The following CSRNP3 variants were observed in gnomAD, a reference collection of about 807,000 sequenced individuals.
The protein encoded by CSRNP3 is cysteine/serine-rich nuclear protein 3.
A neutral mutation model predicts 48.0 loss-of-function variants in CSRNP3; 12 were observed. That is an observed-to-expected ratio of 0.25 (90% CI 0.16 to 0.41). The LOEUF is 0.41. Among genes scored for constraint, CSRNP3 ranks in the 10% least tolerant of loss-of-function variants. CSRNP3 has a pLI of 1.00. For synonymous variants in CSRNP3, 263 were observed against 269.7 expected (o/e 0.98, Z 0.24); for missense variants, 580 against 724.4 (o/e 0.80, Z 2.29).
intron 4 of CSRNP3, among the ~76,000 whole-genome samples, chr2:165,652,604 G>T (rs1356412378): frequency 2.0e-5 from 3 of 152,054 alleles, no homozygotes; most frequent in African/African-American, 7.2e-5. Flanking sequence ...GCGCAGTAGT[G>T]TAATCTCAGC....
intron 4 of CSRNP3, among the ~76,000 whole-genome samples, chr2:165,641,205 G>A (rs761330380): frequency 2.0e-5 from 3 of 152,122 alleles, no homozygotes; most frequent in Non-Finnish European, 4.4e-5. Context: ...CCACAACAAT[G>A]GTTCACCAGT....
chr2:165,670,618 A>T (rs757623988), intron 5 of CSRNP3, among the ~76,000 whole-genome samples: 42 of 152,178 alleles, frequency 2.8e-4, no homozygotes, highest in Admixed American at 5.9e-4. Flanking sequence ...GAATACAATG[A>T]TAGTATTTGC....
intron 3 of CSRNP3, among the ~76,000 whole-genome samples, chr2:165,523,038 T>C (rs1169574307): frequency 9.2e-5 from 14 of 152,172 alleles, no homozygotes; most frequent in Admixed American, 9.2e-4. Flanking sequence ...CTTTCACGAT[T>C]AGTGCACCTG....
At chr2:165,500,419 A>G (rs2105464861) in intron 2 of CSRNP3, among the ~76,000 whole-genome samples, 2 of 118,356 alleles carry the variant, frequency 1.7e-5, no homozygotes, top group South Asian at 5.0e-4. Context: ...ACATATATAT[A>G]TACACACACA....
chr2:165,662,781 C>T (rs531243510), intron 5 of CSRNP3, among the ~76,000 whole-genome samples: 1 of 152,166 alleles, frequency 6.6e-6, no homozygotes, highest in East Asian at 1.9e-4. Flanking sequence ...TTTTTCAACC[C>T]AAGTTGTTCC....
rs1040612634 is a variant in CSRNP3 at position 165,548,468 on chromosome 2, A to C, written c.-24+30507A>C. Among the ~76,000 whole-genome samples the C allele has an allele frequency of 1.7e-4, 26 of 152,094 alleles. 1 individual carries two copies. Among genetic ancestry groups the C allele is most frequent in the Non-Finnish European group, 3.5e-4 (24 of 67,954 alleles). On this transcript the variant is annotated intron_variant, in intron 3 of 6. Transcript: ENST00000651982. Reference sequence around the variant, plus strand: ...ATATGATTTGAATTTGAATTGTCCAAACTACTCTATATAACTATATTTATC... The same window carrying C: ...ATATGATTTGAATTTGAATTGTCCACACTACTCTATATAACTATATTTATC...
intron 3 of CSRNP3, among the ~76,000 whole-genome samples, chr2:165,556,079 C>T (rs1423074486): frequency 6.6e-6 from 1 of 152,124 alleles, no homozygotes; most frequent in Non-Finnish European, 1.5e-5. Flanking sequence ...GCCATGGTCT[C>T]TTTAGGGGAA....
chr2:165,580,493 CTTG>C (rs1685525994), intron 3 of CSRNP3, among the ~76,000 whole-genome samples: 2 of 152,066 alleles, frequency 1.3e-5, no homozygotes, highest in African/African-American at 2.4e-5. Flanking sequence ...TTTTTTTCTA[CTTG>C]TTGTAATTTT....
At chr2:165,500,748 G>A (rs988124295) in intron 2 of CSRNP3, among the ~76,000 whole-genome samples, 2 of 151,940 alleles carry the variant, frequency 1.3e-5, no homozygotes, top group East Asian at 1.9e-4. Context: ...GTGAACCACC[G>A]TGCCTGGCCA....
At chr2:165,564,818 T>C (rs373536595) in intron 3 of CSRNP3, among the ~76,000 whole-genome samples, 1 of 152,090 alleles carries the variant, frequency 6.6e-6, no homozygotes, top group East Asian at 1.9e-4. Flanking sequence ...ATTTAAAGCT[T>C]TAATTATTAT....
chr2:165,593,416 C>T (rs986450386), intron 3 of CSRNP3, among the ~76,000 whole-genome samples: 1 of 152,170 alleles, frequency 6.6e-6, no homozygotes, highest in Non-Finnish European at 1.5e-5. Context: ...GGCCCTACTT[C>T]CTGGGAATTT....
chr2:165,522,704 A>G (rs1684678836), intron 3 of CSRNP3, among the ~76,000 whole-genome samples: 1 of 152,048 alleles, frequency 6.6e-6, no homozygotes, highest in Non-Finnish European at 1.5e-5. Context: ...TGCTTAGAAT[A>G]AAATTAGACT....
intron 4 of CSRNP3, among the ~76,000 whole-genome samples, chr2:165,603,198 A>G (rs1470074425): frequency 1.3e-5 from 2 of 152,140 alleles, no homozygotes; most frequent in African/African-American, 4.8e-5. Context: ...CCCGGCCTGA[A>G]TCTCCTGATG....
intron 5 of CSRNP3, among the ~76,000 whole-genome samples, chr2:165,668,967 A>G (rs1687283744): frequency 6.6e-6 from 1 of 152,216 alleles, no homozygotes; most frequent in South Asian, 2.1e-4. Context: ...TTGGCAAATT[A>G]TATTCTCCGA....
At chr2:165,497,988 C>T (rs1684305346) in intron 2 of CSRNP3, among the ~76,000 whole-genome samples, 2 of 152,034 alleles carry the variant, frequency 1.3e-5, no homozygotes, top group African/African-American at 2.4e-5. Context: ...GGCTTTAGGG[C>T]AGTGCTAGTG....
intron 3 of CSRNP3, among the ~76,000 whole-genome samples, chr2:165,533,494 G>A (rs1288613903): frequency 2.0e-5 from 3 of 151,986 alleles, no homozygotes; most frequent in Non-Finnish European, 4.4e-5. Context: ...GTGCTGAGAA[G>A]CCAAGCTGCT....
At chr2:165,534,891 T>C (rs1216477283) in intron 3 of CSRNP3, among the ~76,000 whole-genome samples, 1 of 151,770 alleles carries the variant, frequency 6.6e-6, no homozygotes, top group African/African-American at 2.4e-5. Flanking sequence ...TCTAAACCTA[T>C]ATTTCTGTAA....
At chr2:165,515,801 C>CTT (rs532831528) in intron 2 of CSRNP3, among the ~76,000 whole-genome samples, 92 of 105,978 alleles carry the variant, frequency 8.7e-4, no homozygotes, top group Non-Finnish European at 1.0e-3. Flanking sequence ...CTTTTCCTTT[C>CTT]TTTTTTTTTT....
intron 2 of CSRNP3, among the ~76,000 whole-genome samples, chr2:165,498,516 A>T (rs982327168): frequency 6.6e-6 from 1 of 152,132 alleles, no homozygotes; most frequent in East Asian, 1.9e-4. Flanking sequence ...TAAATGGAGT[A>T]ATTATATTCA....
Sources: gnomAD v4.1 joint callset for allele counts (sites outside exome capture counted in the v4.1 genomes callset) on GRCh38, gnomAD v4.1.1 for gene constraint, MANE v1.5 for transcripts, NCBI Gene and HGNC (gene_info 2026-07-23, HGNC 2026-07-21) for gene names.